The following GABRB3 variants were observed in gnomAD, a reference collection of about 807,000 sequenced individuals.
GABRB3 encodes gamma-aminobutyric acid type A receptor subunit beta3.
In GABRB3, 14 loss-of-function variants were observed where a neutral mutation model predicts 52.1. The ratio of observed to expected loss-of-function variants is 0.27; its 90% CI spans 0.18 to 0.42. The LOEUF is 0.42. Ranked by LOEUF, GABRB3 falls within the 10% of genes least tolerant of loss-of-function variation. GABRB3 has a pLI of 1.00. For missense variants in GABRB3, 307 were observed against 609.1 expected (o/e 0.50, Z 5.22); for synonymous variants, 260 against 232.3 (o/e 1.12, Z -1.08).
chr15:26,559,847 C>T (rs1032348320), intron 8 of GABRB3, among the ~76,000 whole-genome samples: 16 of 152,054 alleles, frequency 1.1e-4, no homozygotes, highest in Non-Finnish European at 1.9e-4. Flanking sequence ...AGAACACAAC[C>T]GGGAGGGGCC....
chr15:26,680,978 C>T lies in GABRB3; in HGVS notation c.241-59444G>A, dbSNP rs559436514. ...CTTGCAATTGTAGCAGCCATGAATG[C>T]GTGCATTTTGTAAGATTAACCCTCT... On this transcript the variant is annotated intron_variant, in intron 3 of 8. Transcript: ENST00000311550. 6.6e-5 allele frequency among the ~76,000 whole-genome samples: 10 copies of T among 152,274 alleles called. No homozygotes were observed. In the South Asian group the frequency reaches 1.0e-3, roughly 16 times the overall value.
At chr15:26,568,498 T>C (rs1006452910) in intron 6 of GABRB3, among the ~76,000 whole-genome samples, 2 of 97,296 alleles carry the variant, frequency 2.1e-5, no homozygotes, top group African/African-American at 5.8e-5. Flanking sequence ...TTGTTTTCCT[T>C]TCTTTTTTTT....
intron 6 of GABRB3, among the ~76,000 whole-genome samples, chr15:26,571,600 AC>A (rs1389882385): frequency 2.6e-5 from 4 of 152,160 alleles, no homozygotes; most frequent in Admixed American, 6.5e-5. Flanking sequence ...ACCACTATTG[AC>A]TGCCATGACT....
intron 3 of GABRB3, among the ~76,000 whole-genome samples, chr15:26,690,469 C>T (rs982611428): frequency 3.9e-5 from 6 of 152,040 alleles, no homozygotes; most frequent in Admixed American, 2.0e-4. Flanking sequence ...AAGAAAGAAA[C>T]GGTTTCTTGA....
chr15:26,609,834 C>T (rs1053982611), intron 4 of GABRB3, among the ~76,000 whole-genome samples: 2 of 152,152 alleles, frequency 1.3e-5, no homozygotes, highest in Admixed American at 6.6e-5. Context: ...TAGATAAATA[C>T]GTTAACTCAC....
chr15:26,660,003 G>A (rs558624972), intron 3 of GABRB3, among the ~76,000 whole-genome samples: 12 of 152,238 alleles, frequency 7.9e-5, no homozygotes, highest in South Asian at 2.1e-4. Flanking sequence ...AGGCCGAGGC[G>A]GGTGGATCAC....
intron 4 of GABRB3, among the ~76,000 whole-genome samples, chr15:26,606,202 CA>C (rs1247500284): frequency 7.9e-6 from 1 of 125,898 alleles, no homozygotes; most frequent in Non-Finnish European, 1.9e-5. Flanking sequence ...TTAATGGGTA[CA>C]AAAAAATAGA....
At chr15:26,630,964 T>C (rs1795489705) in intron 3 of GABRB3, among the ~76,000 whole-genome samples, 1 of 152,200 alleles carries the variant, frequency 6.6e-6, no homozygotes, top group South Asian at 2.1e-4. Context: ...CACTCCAGAT[T>C]ATCAAACAAT....
intron 4 of GABRB3, among the ~76,000 whole-genome samples, chr15:26,617,831 A>G (rs61998695): frequency 7.3e-4 from 104 of 141,624 alleles, no homozygotes; most frequent in South Asian, 2.6e-3. Context: ...AGGATACAAA[A>G]TCAATGTACA....
intron 3 of GABRB3, among the ~76,000 whole-genome samples, chr15:26,737,665 T>C (rs1890099507): frequency 6.6e-6 from 1 of 151,986 alleles, no homozygotes; most frequent in African/African-American, 2.4e-5. Flanking sequence ...ATAATGGGGT[T>C]AAAATAAAAT....
chr15:26,614,954 T>A, intron 4 of GABRB3: 1 of 151,070 alleles, frequency 6.6e-6, no homozygotes, highest in East Asian at 1.9e-4. Context: ...AGGTGCTTTT[T>A]GGAGCAAAGT....
intron 4 of GABRB3, among the ~76,000 whole-genome samples, chr15:26,589,454 T>G (rs1040123480): frequency 1.3e-5 from 2 of 152,186 alleles, no homozygotes; most frequent in African/African-American, 4.8e-5. Flanking sequence ...CCCATTTGTA[T>G]GAATAGTTTT....
Position 26,567,615 on chromosome 15 carries a change from G to A in GABRB3, c.801C>T (p.Ile267=), listed in dbSNP as rs1372486308. 6.2e-7 allele frequency: 1 copy of A among 1,613,968 alleles called. No individual in the cohort carries two copies. The highest frequency in any genetic ancestry group is 8.5e-7 in the Non-Finnish European group (1 of 1,180,016). Residue 267 remains isoleucine (I), a synonymous_variant, in exon 7 of 9, where the codon ATC becomes ATT. Coordinates refer to ENST00000311550, the MANE Select transcript of GABRB3 (RefSeq NM_000814.6). ...CTCTAGCAGCAGATGCATCATAATT[G>A]ATCCAGAAGGACACCCACGACAGAA... is the stretch of plus-strand genomic sequence containing the variant. ...ITILSWVSFW[I]NYDASAARVA... is the part of the protein sequence containing the mutation.
chr15:26,700,773 C>T (rs551776160), intron 3 of GABRB3, among the ~76,000 whole-genome samples: 26 of 152,294 alleles, frequency 1.7e-4, no homozygotes, highest in African/African-American at 5.8e-4. Flanking sequence ...ACAAAACTCT[C>T]GGCCAGGTAC....
At chr15:26,608,144 G>C (rs974258903) in intron 4 of GABRB3, among the ~76,000 whole-genome samples, 1 of 147,072 alleles carries the variant, frequency 6.8e-6, no homozygotes, top group African/African-American at 2.5e-5. Flanking sequence ...AAATAGACTA[G>C]AGAGCCCAGA....
intron 7 of GABRB3, among the ~76,000 whole-genome samples, chr15:26,567,274 AT>A (rs1176406815): frequency 6.6e-6 from 1 of 152,216 alleles, no homozygotes; most frequent in African/African-American, 2.4e-5. Context: ...CCATGGAATA[AT>A]TTTGAACAGG....
At chr15:26,600,343 A>G (rs1211107059) in intron 4 of GABRB3, among the ~76,000 whole-genome samples, 3 of 152,160 alleles carry the variant, frequency 2.0e-5, no homozygotes, top group Non-Finnish European at 2.9e-5. Context: ...AGTGGCTGAA[A>G]ACGTTCTTAA....
intron 3 of GABRB3, among the ~76,000 whole-genome samples, chr15:26,710,990 C>T (rs1469249119): frequency 6.6e-6 from 1 of 151,766 alleles, no homozygotes. Flanking sequence ...AATCTAAGCA[C>T]ATACTATGCC....
rs1443300326 is a variant in GABRB3 at position 26,772,485 on chromosome 15, G to A, written c.173-16C>T. 2 of 1,608,972 alleles carry A rather than the reference G, an allele frequency of 1.2e-6. No individual in the cohort carries two copies. Among genetic ancestry groups the A allele is most frequent in the Non-Finnish European group, 1.7e-6 (2 of 1,177,764 alleles). ...ACCGGGGGACCTGCGGGAAGCACAG[G>A]ACACGGCGATCAGCCCAGCTCCGGC... On this transcript the variant is annotated splice_polypyrimidine_tract_variant and intron_variant, in intron 2 of 8. Transcript: ENST00000311550.
Sources: gnomAD v4.1 joint callset for allele counts (sites outside exome capture counted in the v4.1 genomes callset) on GRCh38, gnomAD v4.1.1 for gene constraint, MANE v1.5 for transcripts, NCBI Gene and HGNC (gene_info 2026-07-23, HGNC 2026-07-21) for gene names.